Variants in TRAPPC10 observed in about 807,000 individuals in gnomAD.
The protein encoded by TRAPPC10 is trafficking protein particle complex subunit 10.
A neutral mutation model predicts 125.5 loss-of-function variants in TRAPPC10; 23 were observed. The observed-to-expected ratio is 0.18, with a 90% CI of 0.13 to 0.26. The LOEUF (loss-of-function observed/expected upper bound fraction) is 0.26, where lower values mean the gene tolerates loss of function less well. TRAPPC10 is among the 10% of genes least tolerant of loss of function. TRAPPC10 has a pLI of 1.00. For synonymous variants in TRAPPC10, 509 were observed against 518.0 expected (o/e 0.98, Z 0.24); for missense variants, 1,123 against 1,308.4 (o/e 0.86, Z 2.19).
At chr21:44,045,140 G>A (rs1404086748) in intron 3 of TRAPPC10, among the ~76,000 whole-genome samples, 3 of 152,238 alleles carry the variant, frequency 2.0e-5, no homozygotes, top group African/African-American at 7.2e-5. Context: ...TCACCATGTT[G>A]GTCAGGCTGG....
rs750012462 is a variant in TRAPPC10, at chr21:44,094,070, A to G, written c.3005A>G (p.Tyr1002Cys). ...CCCCAACTCTCTTTCCAGCCCATCT[A>G]CAGCAAGCAGTCGGTGTTCTTCGTC... ...PLNTQSQQPI[Y>C]SKQSVFFVWE... Residue 1002 changes from tyrosine to cysteine, a missense_variant, in exon 20 of 23, where the codon TAC becomes TGC. This residue lies in a region of TRAPPC10 where 840 missense variants were observed against 902.0 expected (regional missense o/e 0.93). Coordinates refer to ENST00000291574, the MANE Select transcript of TRAPPC10 (RefSeq NM_003274.5). 33 of 1,613,234 alleles carry G rather than the reference A, an allele frequency of 2.0e-5. No individual in the cohort carries two copies. Among genetic ancestry groups the G allele is most frequent in the Non-Finnish European group, 1.7e-5 (20 of 1,179,818 alleles).
At chr21:44,040,348 CTT>C (rs200232989) in intron 3 of TRAPPC10, among the ~76,000 whole-genome samples, 5 of 146,352 alleles carry the variant, frequency 3.4e-5, no homozygotes, top group Non-Finnish European at 7.6e-5. Context: ...TTCTCTCTCT[CTT>C]TTTTTTTTTA....
At chr21:44,033,110 T>C (rs890232652) in intron 2 of TRAPPC10, among the ~76,000 whole-genome samples, 21 of 152,254 alleles carry the variant, frequency 1.4e-4, no homozygotes, top group African/African-American at 4.6e-4. Flanking sequence ...CTTGTAAATA[T>C]AAAGTTGTGT....
chr21:44,055,426 CA>C (rs1351481554), intron 4 of TRAPPC10, among the ~76,000 whole-genome samples: 1 of 151,742 alleles, frequency 6.6e-6, no homozygotes, highest in Admixed American at 6.6e-5. Flanking sequence ...CTCACCTTTA[CA>C]AAAAAATACA....
Position 44,059,051 on chromosome 21 carries a change from A to G in TRAPPC10, c.679-52A>G, listed in dbSNP as rs2035836412. 2.8e-6 allele frequency: 4 copies of G among 1,410,290 alleles called. No homozygotes were observed. Among genetic ancestry groups the G allele is most frequent in the Non-Finnish European group, 3.9e-6 (4 of 1,027,392 alleles). 87.4% of individuals were successfully genotyped at this position (1,410,290 alleles called of 1,614,324 possible). On this transcript the variant is annotated intron_variant, in intron 5 of 22. Transcript: ENST00000291574. This position sits in a 1 kb window ranked among gnomAD's most constrained non-coding sequence, Gnocchi z 4.4. ...TTAATGGCTACATACTGTTTCTTCTATACATTGATTTATGTTTTTGTTTTT... is the reference window on the plus strand; with the variant it reads ...TTAATGGCTACATACTGTTTCTTCTGTACATTGATTTATGTTTTTGTTTTT...
chr21:44,016,393 G>A (rs1477326158), intron 1 of TRAPPC10, among the ~76,000 whole-genome samples: 2 of 152,114 alleles, frequency 1.3e-5, no homozygotes, highest in African/African-American at 4.8e-5. Flanking sequence ...TTTGTTGACT[G>A]TCCTCATACC....
rs1005000980 is a variant in TRAPPC10 at position 44,082,209 on chromosome 21, T to G, written c.1724-579T>G. 7.2e-5 allele frequency among the ~76,000 whole-genome samples: 11 copies of G among 152,212 alleles called. No individual in the cohort carries two copies. The highest frequency in any genetic ancestry group is 2.4e-4 in the African/African-American group (10 of 41,458). On this transcript the variant is annotated intron_variant, in intron 13 of 22. Coordinates refer to ENST00000291574, the MANE Select transcript of TRAPPC10 (RefSeq NM_003274.5). This position sits in a 1 kb window ranked among gnomAD's most constrained non-coding sequence, Gnocchi z 4.4. ...TATTTTCTAGACAAAACCAAGGTAC[T>G]TACAGTTCGGTCAGAGAGAGAAGGG...
At chr21:44,028,277 T>C (rs1012557119) in intron 1 of TRAPPC10, among the ~76,000 whole-genome samples, 1 of 152,238 alleles carries the variant, frequency 6.6e-6, no homozygotes, top group African/African-American at 2.4e-5. Context: ...ATCCAAAAAC[T>C]GATTGGTCCA....
intron 3 of TRAPPC10, chr21:44,046,397 G>T (rs1353828412): frequency 3.6e-5 from 10 of 280,930 alleles, no homozygotes; most frequent in Non-Finnish European, 7.5e-5. Flanking sequence ...TTGTGGGTGT[G>T]TGCAGTGACA....
At chr21:44,061,237 C>T (rs948301508) in intron 6 of TRAPPC10, among the ~76,000 whole-genome samples, 30 of 152,130 alleles carry the variant, frequency 2.0e-4, no homozygotes, top group East Asian at 1.2e-3. Context: ...CCCGGGTTCA[C>T]GCCATTCTCC....
intron 1 of TRAPPC10, among the ~76,000 whole-genome samples, chr21:44,027,714 C>T (rs1384104648): frequency 2.0e-5 from 3 of 152,112 alleles, no homozygotes; most frequent in Admixed American, 2.0e-4. Flanking sequence ...AACAGGTGGC[C>T]CTTCTCTTGA....
intron 7 of TRAPPC10, among the ~76,000 whole-genome samples, chr21:44,071,904 A>G (rs1260000123): frequency 1.3e-5 from 2 of 152,156 alleles, no homozygotes; most frequent in Non-Finnish European, 2.9e-5. Context: ...ATTCAGTGAA[A>G]GCCTGCCCTT....
At position 44,086,864 on chromosome 21, in the gene TRAPPC10, A is replaced by T; in HGVS notation, c.2443A>T (p.Ile815Leu). The change falls in exon 16 of 23, where the codon ATA becomes TTA. Residue 815 changes from isoleucine to leucine, a missense_variant. Physicochemically the swap from Ile to Leu is conservative, Grantham distance 5 (BLOSUM62 2). This residue lies in a region of TRAPPC10 where 840 missense variants were observed against 902.0 expected (regional missense o/e 0.93). Transcript: ENST00000291574. ...KFTVTTGHYT[I>L]KNGDSLQLSN... ...CACTGTCACTACCGGCCATTATACG[A>T]TAAAGAATGGAGACAGCCTGCAGCT... 6.2e-7 allele frequency: 1 copy of T among 1,614,168 alleles called. No individual in the cohort carries two copies.
At chr21:44,064,300 A>AAT (rs1491223895) in intron 7 of TRAPPC10, among the ~76,000 whole-genome samples, 1 of 145,308 alleles carries the variant, frequency 6.9e-6, no homozygotes, top group Non-Finnish European at 1.5e-5. Flanking sequence ...ATATGTCATA[A>AAT]ATATGTGTGT....
intron 3 of TRAPPC10, among the ~76,000 whole-genome samples, chr21:44,049,447 T>C (rs2035083974): frequency 6.6e-6 from 1 of 152,206 alleles, no homozygotes; most frequent in Admixed American, 6.5e-5. Context: ...CACACTTGCC[T>C]GGCAGTGTGC....
At chr21:44,081,763 C>T (rs766389636) in intron 13 of TRAPPC10, among the ~76,000 whole-genome samples, 14 of 152,164 alleles carry the variant, frequency 9.2e-5, no homozygotes, top group African/African-American at 2.4e-4. Flanking sequence ...CCTGTAGTCC[C>T]AGCTACCCAG....
intron 3 of TRAPPC10, among the ~76,000 whole-genome samples, chr21:44,051,909 T>G (rs2035259082): frequency 6.6e-6 from 1 of 152,234 alleles, no homozygotes. Flanking sequence ...AGTCATGTAG[T>G]GCTTGGGCCC....
intron 1 of TRAPPC10, among the ~76,000 whole-genome samples, chr21:44,019,832 T>C (rs941693287): frequency 6.6e-6 from 1 of 152,184 alleles, no homozygotes; most frequent in African/African-American, 2.4e-5. Flanking sequence ...GCGTCTTTGG[T>C]TTTAGACAGC....
In TRAPPC10 at chr21:44,077,703, A is replaced by G. The variant is rs1569202685; in HGVS notation, c.1388A>G (p.His463Arg). 1 of 1,603,826 alleles carries G rather than the reference A, an allele frequency of 6.2e-7. No individual in the cohort carries two copies. Among genetic ancestry groups the G allele is most frequent in the Non-Finnish European group, 8.5e-7 (1 of 1,173,926 alleles). ...AFEKHYLDLS[H>R]ATIEMYTSIG... ...TTTACTTCCCCACAGGATTTGTCCC[A>G]TGCCACCATTGAAATGTATACAAGC... is the stretch of plus-strand genomic sequence containing the variant. Residue 463 changes from histidine (H) to arginine (R), a missense_variant, in exon 11 of 23, where the codon CAT becomes CGT. Physicochemically the swap from His to Arg is conservative, Grantham distance 29. Coordinates refer to ENST00000291574, the MANE Select transcript of TRAPPC10 (RefSeq NM_003274.5).
Sources: allele counts gnomAD v4.1 joint callset (sites outside exome capture counted in the v4.1 genomes callset), GRCh38; gene constraint gnomAD v4.1.1; regional missense constraint gnomAD v4.1.1; non-coding constraint Gnocchi (gnomAD v3.1); transcripts MANE v1.5; gene names NCBI Gene and HGNC (gene_info 2026-07-23, HGNC 2026-07-21).